UVRAG: variants seen among roughly 807,000 people sequenced by gnomAD.
UVRAG encodes UV radiation resistance-associated gene protein.
UVRAG carries 19 observed loss-of-function variants against 78.0 expected under a neutral mutation model. The ratio of observed to expected loss-of-function variants is 0.24; its 90% CI spans 0.17 to 0.36. The LOEUF (loss-of-function observed/expected upper bound fraction) is 0.36, where lower values mean the gene tolerates loss of function less well. UVRAG is among the 10% of genes least tolerant of loss of function. The probability of loss-of-function intolerance (pLI) is 1.00; values close to 1 mark genes in which losing one functional copy is unlikely to be tolerated. For synonymous variants in UVRAG, 323 were observed against 324.6 expected (o/e 1.00, Z 0.05); for missense variants, 740 against 853.8 (o/e 0.87, Z 1.66).
chr11:76,025,122 T>C (rs1950305782), intron 12 of UVRAG, among the ~76,000 whole-genome samples: 1 of 152,156 alleles, frequency 6.6e-6, no homozygotes, highest in Non-Finnish European at 1.5e-5. Context: ...GTCTAAACCA[T>C]TACTTGTGCA....
Position 76,047,797 on chromosome 11 carries a change from CTG to C in UVRAG, c.1227-17910_1227-17909del, listed in dbSNP as rs545304661. Among the ~76,000 whole-genome samples, 712 of 152,264 alleles carry C rather than the reference CTG, an allele frequency of 4.7e-3. 5 individuals carry two copies. The highest frequency in any genetic ancestry group is 0.016 in the African/African-American group (677 of 41,546). On this transcript the variant is annotated intron_variant, in intron 12 of 14. Transcript: ENST00000356136. ...TGTTTCACAACTATAAAATATTTCT[CTG>C]TGAAGATGCTTTTCAGAAGTAACTG...
chr11:76,007,773 T>G, intron 10 of UVRAG, 152 bp downstream of exon 10: 1 of 651,854 alleles, frequency 1.5e-6, no homozygotes, highest in South Asian at 2.0e-5. Context: ...AAACATAGAT[T>G]TAGACTTGTT....
chr11:75,933,884 C>T (rs1231568765), intron 6 of UVRAG, among the ~76,000 whole-genome samples: 2 of 152,060 alleles, frequency 1.3e-5, no homozygotes, highest in Non-Finnish European at 2.9e-5. Context: ...AAAAGGGAAC[C>T]CTTGTACACT....
intron 3 of UVRAG, among the ~76,000 whole-genome samples, chr11:75,869,206 A>C (rs1040626889): frequency 6.6e-6 from 1 of 152,214 alleles, no homozygotes; most frequent in African/African-American, 2.4e-5. Flanking sequence ...TAAGTCTGCT[A>C]GAGGGCTAAC....
rs780412467 is a variant in UVRAG, at chr11:76,008,780, A to G, written c.1000-27A>G. The G allele has an allele frequency of 5.2e-5, 68 of 1,303,924 alleles. 2 individuals carry two copies. The highest frequency in any genetic ancestry group is 1.1e-5 in the Non-Finnish European group (10 of 947,230). The allele number at this position is 1,303,924 out of a possible 1,614,324, so 80.8% of individuals were successfully genotyped here. On this transcript the variant is annotated intron_variant, in intron 10 of 14. Transcript: ENST00000356136. The stretch of plus-strand genomic sequence containing the variant: ...TTAGAGTTTCTTTGCTTTATTTATT[A>G]ATTTTATTCTTTAATTAAATTCACA...
chr11:76,117,022 C>A (rs140049845), intron 14 of UVRAG, among the ~76,000 whole-genome samples: 1 of 152,034 alleles, frequency 6.6e-6, no homozygotes, highest in Non-Finnish European at 1.5e-5. Flanking sequence ...GATATGGACC[C>A]GGATGCCTTC....
chr11:75,991,275 G>A (rs1949601081), intron 8 of UVRAG, among the ~76,000 whole-genome samples: 1 of 152,164 alleles, frequency 6.6e-6, no homozygotes. Context: ...TGCTTTGGAA[G>A]TACCATCAAC....
At chr11:75,984,828 T>C (rs1439783924) in intron 8 of UVRAG, among the ~76,000 whole-genome samples, 6 of 152,258 alleles carry the variant, frequency 3.9e-5, no homozygotes, top group African/African-American at 1.2e-4. Flanking sequence ...TCGTGTTTAA[T>C]GCCAAATAGT....
intron 6 of UVRAG, among the ~76,000 whole-genome samples, chr11:75,949,318 AT>A (rs1387702883): frequency 1.3e-5 from 2 of 151,610 alleles, no homozygotes; most frequent in East Asian, 3.9e-4. Flanking sequence ...TTCCCCCCTA[AT>A]TTCTTAAGTA....
intron 7 of UVRAG, among the ~76,000 whole-genome samples, chr11:75,966,093 GT>G (rs1389282661): frequency 6.6e-6 from 1 of 151,892 alleles, no homozygotes; most frequent in East Asian, 1.9e-4. Context: ...TTGTCAGATG[GT>G]TTTTCTATAT....
chr11:76,073,286 A>G (rs1565148945), intron 13 of UVRAG, among the ~76,000 whole-genome samples: 1 of 152,168 alleles, frequency 6.6e-6, no homozygotes, highest in Admixed American at 6.6e-5. Flanking sequence ...CGAGTTGCTA[A>G]GTGAACTACC....
chr11:76,013,922 C>T (rs888052931), intron 11 of UVRAG, among the ~76,000 whole-genome samples: 1 of 152,188 alleles, frequency 6.6e-6, no homozygotes, highest in Non-Finnish European at 1.5e-5. Context: ...TGATGGAGCA[C>T]TATGGCCTGG....
intron 11 of UVRAG, among the ~76,000 whole-genome samples, chr11:76,014,199 T>C (rs182097897): frequency 6.6e-5 from 10 of 152,370 alleles, no homozygotes; most frequent in East Asian, 1.9e-4. Context: ...TCTCAAAATA[T>C]ACAAATATAA....
At chr11:76,069,295 G>GGT (rs1389444382) in intron 13 of UVRAG, among the ~76,000 whole-genome samples, 1 of 152,044 alleles carries the variant, frequency 6.6e-6, no homozygotes, top group Admixed American at 6.5e-5. Context: ...GCTGTCTAAA[G>GGT]GTGTGTGTGT....
intron 6 of UVRAG, among the ~76,000 whole-genome samples, chr11:75,949,504 A>G (rs969029191): frequency 1.3e-5 from 2 of 151,944 alleles, no homozygotes; most frequent in African/African-American, 4.8e-5. Context: ...TTCAACTCAT[A>G]TTCAACACAT....
At chr11:76,005,263 AG>A (rs920521407) in intron 9 of UVRAG, among the ~76,000 whole-genome samples, 2 of 152,104 alleles carry the variant, frequency 1.3e-5, no homozygotes, top group African/African-American at 4.8e-5. Flanking sequence ...GAATGGCGTG[AG>A]CCCGGGCGGT....
chr11:75,955,749 C>A (rs1206766458), intron 6 of UVRAG, among the ~76,000 whole-genome samples: 1 of 152,036 alleles, frequency 6.6e-6, no homozygotes, highest in Non-Finnish European at 1.5e-5. Flanking sequence ...ATTAGTCGGA[C>A]CCAGTTGCAC....
At chr11:75,998,739 A>T (rs907704623) in intron 8 of UVRAG, among the ~76,000 whole-genome samples, 9 of 152,210 alleles carry the variant, frequency 5.9e-5, no homozygotes, top group Non-Finnish European at 1.2e-4. Context: ...ATCGTTAATG[A>T]CCAAGTGTAG....
At chr11:75,946,712 C>G (rs1294603397) in intron 6 of UVRAG, among the ~76,000 whole-genome samples, 1 of 152,170 alleles carries the variant, frequency 6.6e-6, no homozygotes, top group Non-Finnish European at 1.5e-5. Context: ...GCTGTCAGCC[C>G]CATTGAGGCC....
Sources: allele counts gnomAD v4.1 joint callset (sites outside exome capture counted in the v4.1 genomes callset), GRCh38; gene constraint gnomAD v4.1.1; transcripts MANE v1.5; gene names NCBI Gene and HGNC (gene_info 2026-07-23, HGNC 2026-07-21).